The following DHX8 variants were observed in gnomAD, a reference collection of about 807,000 sequenced individuals.
DHX8 encodes the protein ATP-dependent RNA helicase DHX8.
In DHX8, 67 loss-of-function variants were observed where a neutral mutation model predicts 140.7. That is an observed-to-expected ratio of 0.48 (90% CI 0.39 to 0.58). The LOEUF is 0.58. Among genes scored for constraint, DHX8 ranks in the 20% least tolerant of loss-of-function variants. DHX8 has a pLI of 0.00. For synonymous variants in DHX8, 533 were observed against 553.2 expected (o/e 0.96, Z 0.51); for missense variants, 887 against 1,550.7 (o/e 0.57, Z 7.19).
intron 22 of DHX8, among the ~76,000 whole-genome samples, chr17:43,522,567 G>A (rs1476966417): frequency 1.3e-5 from 2 of 150,534 alleles, no homozygotes; most frequent in Non-Finnish European, 3.0e-5. Context: ...TGACCAACAT[G>A]GAGAAACCCT....
chr17:43,500,464 G>A (rs73319156), intron 11 of DHX8, among the ~76,000 whole-genome samples: 1,638 of 151,474 alleles, frequency 0.011, 22 homozygotes, highest in African/African-American at 0.038. Context: ...TCCAGCCTGG[G>A]TGATAGAATG....
chr17:43,504,105 T>C (rs1445717311), intron 11 of DHX8, among the ~76,000 whole-genome samples: 1 of 151,832 alleles, frequency 6.6e-6, no homozygotes, highest in Non-Finnish European at 1.5e-5. Context: ...AAAAAAAGTG[T>C]AACATGGTTT....
At chr17:43,539,021 C>T (rs968193372) in intron 3 of DHX8, among the ~76,000 whole-genome samples, 1 of 152,200 alleles carries the variant, frequency 6.6e-6, no homozygotes, top group African/African-American at 2.4e-5. Flanking sequence ...TGGATTTCAC[C>T]CACGGCCTCT....
chr17:43,525,860 A>C, downstream of DHX8: 2 of 985,296 alleles, frequency 2.0e-6, no homozygotes, highest in Non-Finnish European at 2.4e-6. Context: ...CCCAGCACTG[A>C]CAATGTTGAC....
rs1969537349 is a variant in DHX8, at chr17:43,507,056, G to A, written c.1782G>A (p.Lys594=). The A allele has an allele frequency of 6.2e-7, 1 of 1,613,994 alleles. No homozygotes were observed. The highest frequency in any genetic ancestry group is 8.5e-7 in the Non-Finnish European group (1 of 1,180,000). The change falls in exon 13 of 23, where the codon AAG becomes AAA. Residue 594 remains lysine, a synonymous_variant. Coordinates refer to ENST00000262415, the MANE Select transcript of DHX8 (RefSeq NM_004941.3). ...LIVIGETGSG[K]TTQITQYLAE... Reference sequence around the variant, plus strand: ...TCATTGGTGAGACAGGATCTGGAAAGACAACACAGATCACCCAGTACCTGG... The same window carrying A: ...TCATTGGTGAGACAGGATCTGGAAAAACAACACAGATCACCCAGTACCTGG...
Position 43,484,107 on chromosome 17 carries a change from A to G in DHX8, c.70A>G (p.Lys24Glu). The G allele has an allele frequency of 6.2e-7, 1 of 1,614,166 alleles. No individual in the cohort carries two copies. Among genetic ancestry groups the G allele is most frequent in the Non-Finnish European group, 8.5e-7 (1 of 1,180,006 alleles). Reference sequence around the variant, plus strand: ...GCCAGGCCCCGCGGAAGAACTTGCCAAACTCGAGTACCTGTCTTTGGTGTC... The same window carrying G: ...GCCAGGCCCCGCGGAAGAACTTGCCGAACTCGAGTACCTGTCTTTGGTGTC... ...SEPGPAEELA[K>E]LEYLSLVSKV... The change falls in exon 1 of 23, where the codon AAA becomes GAA. Residue 24 changes from lysine to glutamate, a missense_variant. Lys to Glu is a moderately conservative substitution (Grantham distance 56). Coordinates refer to ENST00000262415, the MANE Select transcript of DHX8 (RefSeq NM_004941.3).
downstream of DHX8, chr17:43,529,041 A>G: frequency 2.6e-6 from 3 of 1,159,434 alleles, no homozygotes; most frequent in Non-Finnish European, 3.9e-6. Flanking sequence ...TGATCCTACA[A>G]AGTTGCTGAG....
intron 1 of DHX8, among the ~76,000 whole-genome samples, chr17:43,489,074 G>C (rs939960319): frequency 6.6e-6 from 1 of 151,628 alleles, no homozygotes; most frequent in Non-Finnish European, 1.5e-5. Flanking sequence ...GCGCAATGCC[G>C]GCTTACTGCA....
chr17:43,525,744 A>G (rs1436070113), downstream of DHX8: 2 of 984,690 alleles, frequency 2.0e-6, no homozygotes, highest in Non-Finnish European at 2.4e-6. Flanking sequence ...AGCTGGGACT[A>G]CAGGTGCATG....
chr17:43,518,580 T>A (rs1970226988), intron 18 of DHX8: 2 of 152,152 alleles, frequency 1.3e-5, no homozygotes, highest in Admixed American at 1.3e-4. Flanking sequence ...ACTATATTAT[T>A]ATTATTATTA....
chr17:43,508,866 G>T (rs530243357), intron 16 of DHX8, among the ~76,000 whole-genome samples: 1 of 152,128 alleles, frequency 6.6e-6, no homozygotes, highest in South Asian at 2.1e-4. Flanking sequence ...TGATCCGCCC[G>T]CCTCAGCCTC....
intron 2 of DHX8, among the ~76,000 whole-genome samples, chr17:43,535,972 G>A (rs926650464): frequency 7.9e-5 from 12 of 152,282 alleles, no homozygotes; most frequent in African/African-American, 2.4e-4. Context: ...TTAGCTGGGT[G>A]TGGTTGTGCA....
chr17:43,485,505 C>T (rs547451566), intron 1 of DHX8, among the ~76,000 whole-genome samples: 1 of 151,992 alleles, frequency 6.6e-6, no homozygotes, highest in Non-Finnish European at 1.5e-5. Context: ...TAACTTTTCC[C>T]GCAGGATTCT....
At chr17:43,509,181 C>T (rs1488202536) in intron 16 of DHX8, among the ~76,000 whole-genome samples, 1 of 152,144 alleles carries the variant, frequency 6.6e-6, no homozygotes. Flanking sequence ...TGCTTGGATA[C>T]CCAGGCGGGA....
At chr17:43,502,459 A>G (rs530536048) in intron 11 of DHX8, among the ~76,000 whole-genome samples, 3 of 152,100 alleles carry the variant, frequency 2.0e-5, no homozygotes, top group African/African-American at 7.2e-5. Context: ...GAGTCTCACT[A>G]TGTTGCCCCA....
intron 18 of DHX8, 129 bp from the exon 19 acceptor site, chr17:43,520,001 G>T (rs567088843): frequency 8.2e-6 from 8 of 977,678 alleles, no homozygotes; most frequent in Non-Finnish European, 1.1e-5. Context: ...GGAAGTTACC[G>T]CCAGTCTCAC....
At chr17:43,511,456 A>ATTCTTTTTTTTTTTTTTTT (rs1969821932) in intron 16 of DHX8, among the ~76,000 whole-genome samples, 1 of 56,790 alleles carries the variant, frequency 1.8e-5, no homozygotes, top group African/African-American at 7.7e-5. Context: ...TGATCCCAGC[A>ATTCTTTTTTTTTTTTTTTT]TTTTTTTTTT....
chr17:43,514,189 A>T (rs558753619), intron 17 of DHX8, among the ~76,000 whole-genome samples: 1,943 of 151,606 alleles, frequency 0.013, 28 homozygotes, highest in Non-Finnish European at 0.019. Context: ...AAAAAATTTA[A>T]AAAAAATTAG....
At chr17:43,530,091 A>AG (rs1273308633), downstream of DHX8, 8 of 1,604,498 alleles carry the variant, frequency 5.0e-6, no homozygotes, top group African/African-American at 1.3e-5. Flanking sequence ...TGGCAGGGGA[A>AG]GGGGGGCTGC....
Sources: gnomAD v4.1 joint callset for allele counts (sites outside exome capture counted in the v4.1 genomes callset) on GRCh38, gnomAD v4.1.1 for gene constraint, MANE v1.5 for transcripts, NCBI Gene and HGNC (gene_info 2026-07-23, HGNC 2026-07-21) for gene names.